Variants in FAM184A observed in about 807,000 individuals in gnomAD.
FAM184A encodes the protein protein FAM184A.
Under a neutral mutation model 143.8 loss-of-function variants are expected in FAM184A, and 99 were observed. That is an observed-to-expected ratio of 0.69 (90% CI 0.58 to 0.81). The LOEUF is 0.81. Ranked by LOEUF, FAM184A falls within the 40% of genes least tolerant of loss-of-function variation. The pLI is 0.00. For synonymous variants in FAM184A, 427 were observed against 446.4 expected (o/e 0.96, Z 0.55); for missense variants, 1,217 against 1,310.5 (o/e 0.93, Z 1.10).
At chr6:119,077,930 G>A (rs1787930285) in intron 1 of FAM184A, among the ~76,000 whole-genome samples, 1 of 152,274 alleles carries the variant, frequency 6.6e-6, no homozygotes, top group Non-Finnish European at 1.5e-5. Flanking sequence ...TCCCTTACGC[G>A]CACCGTGCCG....
intron 14 of FAM184A, among the ~76,000 whole-genome samples, chr6:118,970,008 A>ATT (rs11272298): frequency 4.2e-4 from 8 of 19,026 alleles, no homozygotes; most frequent in Non-Finnish European, 6.8e-4. Context: ...ATATATATAT[A>ATT]TTTTTTTTTT....
chr6:119,081,511 G>A (rs1003662215), upstream of FAM184A, among the ~76,000 whole-genome samples: 1 of 152,224 alleles, frequency 6.6e-6, no homozygotes, highest in African/African-American at 2.4e-5. Context: ...TAGCTTAGCT[G>A]TCTGTAGGTG....
intron 17 of FAM184A, among the ~76,000 whole-genome samples, chr6:118,961,378 TAAAC>T (rs1216488555): frequency 2.7e-5 from 4 of 150,312 alleles, no homozygotes; most frequent in Non-Finnish European, 4.4e-5. Flanking sequence ...GGGAAAAAAA[TAAAC>T]ATATATAAAA....
intron 1 of FAM184A, among the ~76,000 whole-genome samples, chr6:119,129,471 C>G (rs1351586133): frequency 1.3e-5 from 2 of 152,154 alleles, no homozygotes; most frequent in Non-Finnish European, 2.9e-5. Flanking sequence ...TTTCTGAAAG[C>G]GTCTCATAAT....
At chr6:119,023,910 T>G (rs748623349) in intron 2 of FAM184A, 49 bp downstream of exon 2, 36 of 1,495,730 alleles carry the variant, frequency 2.4e-5, no homozygotes, top group Admixed American at 1.8e-4. Context: ...AAACAAATAT[T>G]TTTAAAAGAA....
chr6:119,044,364 C>T (rs1413906), intron 1 of FAM184A, among the ~76,000 whole-genome samples: 101,641 of 152,002 alleles, frequency 0.67, 35,903 homozygotes, highest in South Asian at 0.79. Context: ...ACAAGAATCA[C>T]TTGAGACCAG....
intron 1 of FAM184A, among the ~76,000 whole-genome samples, chr6:119,104,719 C>A (rs948988863): frequency 6.6e-6 from 1 of 152,122 alleles, no homozygotes; most frequent in African/African-American, 2.4e-5. Context: ...GCTCTTCACT[C>A]CTTAAGTGTG....
At chr6:118,987,944 T>C (rs1784243967) in intron 9 of FAM184A, among the ~76,000 whole-genome samples, 1 of 152,224 alleles carries the variant, frequency 6.6e-6, no homozygotes, top group Non-Finnish European at 1.5e-5. Context: ...TTATTACCCA[T>C]ACACAAAATA....
chr6:119,105,915 A>C (rs1788764993), intron 1 of FAM184A, among the ~76,000 whole-genome samples: 2 of 149,896 alleles, frequency 1.3e-5, no homozygotes, highest in Admixed American at 6.6e-5. Context: ...TAATTAATTA[A>C]GTATGTATAA....
intron 1 of FAM184A, among the ~76,000 whole-genome samples, chr6:119,034,037 TATATAGAGAGAGAG>T (rs1182057799): frequency 4.3e-3 from 181 of 42,088 alleles, no homozygotes; most frequent in Middle Eastern, 0.029. Flanking sequence ...TATATATATA[TATATAGAGAGAGAG>T]AGAGAGAGAG....
chr6:119,033,519 T>C (rs929204696), intron 1 of FAM184A, among the ~76,000 whole-genome samples: 24 of 151,608 alleles, frequency 1.6e-4, no homozygotes, highest in African/African-American at 5.8e-4. Context: ...CAAAAAATTA[T>C]CTGGGCGTAG....
chr6:118,975,101 T>C lies in FAM184A; in HGVS notation c.2691A>G (p.Ile897Met), dbSNP rs1243119096. The C allele has an allele frequency of 6.2e-7, 1 of 1,613,370 alleles. No homozygotes were observed. Among genetic ancestry groups the C allele is most frequent in the Admixed American group, 1.7e-5 (1 of 59,978 alleles). The change falls in exon 13 of 18, where the codon ATA (isoleucine) becomes ATG (methionine). Residue 897 changes from isoleucine to methionine, a missense_variant. Coordinates refer to ENST00000338891, the MANE Select transcript of FAM184A (RefSeq NM_024581.6). ...DKEVQHLHEN[I>M]SALTKELEFK... The stretch of plus-strand genomic sequence containing the variant: ...ATTCCAGTTCTTTGGTTAGGGCACT[T>C]ATATTCTCATGAAGGTGCTGAACCT...
intron 1 of FAM184A, among the ~76,000 whole-genome samples, chr6:119,055,406 A>G (rs1786929518): frequency 6.6e-6 from 1 of 152,198 alleles, no homozygotes; most frequent in African/African-American, 2.4e-5. Context: ...TTCCTTGGAT[A>G]TATACCTAGA....
chr6:119,132,579 C>T (rs900499431), intron 1 of FAM184A, among the ~76,000 whole-genome samples: 2 of 152,348 alleles, frequency 1.3e-5, no homozygotes, highest in South Asian at 2.1e-4. Flanking sequence ...CATTCATTTG[C>T]AAATTTTTTT....
intron 1 of FAM184A, among the ~76,000 whole-genome samples, chr6:119,071,692 A>G (rs1787687072): frequency 6.6e-6 from 1 of 152,088 alleles, no homozygotes; most frequent in African/African-American, 2.4e-5. Context: ...GAAGGTAGAC[A>G]CAGGGAAAAG....
chr6:119,096,606 G>A lies in FAM184A; in HGVS notation c.-202+52472C>T, dbSNP rs572708361. 1.2e-3 allele frequency among the ~76,000 whole-genome samples: 31 copies of A among 26,946 alleles called. 3 individuals are homozygous for A. The highest frequency in any genetic ancestry group is 2.6e-3 in the Admixed American group (4 of 1,546). 17.7% of individuals were successfully genotyped at this position (26,946 alleles called of 152,430 possible). A position where few individuals can be genotyped will look rare whatever the true frequency, so the allele number is the denominator to read the frequency against. The stretch of plus-strand genomic sequence containing the variant: ...AGCCGAGATTGCGCCACTGCAGTCC[G>A]CAGTCCGGCCTGGGCGACAGAGCGA... On this transcript the variant is annotated intron_variant, in intron 1 of 16. Coordinates refer to the FAM184A transcript ENST00000352896.
chr6:119,124,755 ATT>A (rs58090778), intron 1 of FAM184A, among the ~76,000 whole-genome samples: 2,429 of 150,548 alleles, frequency 0.016, 56 homozygotes, highest in African/African-American at 0.055. Context: ...TATGGCCCTA[ATT>A]TTTTTTTTTT....
At chr6:119,099,391 G>A (rs1346786046) in intron 1 of FAM184A, among the ~76,000 whole-genome samples, 1 of 152,126 alleles carries the variant, frequency 6.6e-6, no homozygotes, top group Non-Finnish European at 1.5e-5. Flanking sequence ...CTCAGGGCTA[G>A]CTAGGTGCCT....
chr6:119,006,684 A>C (rs1480371356), intron 6 of FAM184A, 76 bp from the exon 7 acceptor site: 1 of 1,203,206 alleles, frequency 8.3e-7, no homozygotes, highest in Non-Finnish European at 1.1e-6. Context: ...TTCTTCCTAA[A>C]GTTTTTTATT....
Sources: allele counts gnomAD v4.1 joint callset (sites outside exome capture counted in the v4.1 genomes callset), GRCh38; gene constraint gnomAD v4.1.1; transcripts MANE v1.5; gene names NCBI Gene and HGNC (gene_info 2026-07-23, HGNC 2026-07-21).